Variants in SAMMSON observed in about 807,000 individuals in gnomAD.
SAMMSON encodes long intergenic non-protein coding RNA 1212.
At chr3:70,111,528 T>C (rs2067389035) in intron 4 of SAMMSON, among the ~76,000 whole-genome samples, 1 of 151,876 alleles carries the variant, frequency 6.6e-6, no homozygotes, top group South Asian at 2.1e-4. Context: ...TATGAAAAAA[T>C]AACCTCAGCT....
intron 7 of SAMMSON, among the ~76,000 whole-genome samples, chr3:70,313,174 C>T (rs1702469732): frequency 6.6e-6 from 1 of 152,074 alleles, no homozygotes; most frequent in African/African-American, 2.4e-5. Flanking sequence ...AAGGATAATA[C>T]AGATTTTTGC....
intron 3 of SAMMSON, among the ~76,000 whole-genome samples, chr3:70,070,734 T>C (rs1458663479): frequency 1.3e-5 from 2 of 152,092 alleles, no homozygotes; most frequent in Non-Finnish European, 2.9e-5. Context: ...GATTTTTCTA[T>C]GTATTTCTGT....
At chr3:70,279,306 T>G (rs778032812) in intron 6 of SAMMSON, among the ~76,000 whole-genome samples, 5 of 152,208 alleles carry the variant, frequency 3.3e-5, no homozygotes, top group Middle Eastern at 3.4e-3. Flanking sequence ...CAAATCATCC[T>G]TGAACACATA....
chr3:70,082,048 C>G (rs140558516), intron 4 of SAMMSON, among the ~76,000 whole-genome samples: 3 of 152,182 alleles, frequency 2.0e-5, no homozygotes, highest in African/African-American at 7.2e-5. Context: ...TAATGGGAGG[C>G]CCTGCTTTGA....
At chr3:70,405,948 A>G (rs1701175075) in intron 2 of SAMMSON, among the ~76,000 whole-genome samples, 1 of 152,224 alleles carries the variant, frequency 6.6e-6, no homozygotes, top group South Asian at 2.1e-4. Flanking sequence ...CCAATGCCTG[A>G]GAAAAAGGCA....
At chr3:70,269,410 T>C (rs1396665703) in intron 6 of SAMMSON, among the ~76,000 whole-genome samples, 1 of 152,198 alleles carries the variant, frequency 6.6e-6, no homozygotes, top group Non-Finnish European at 1.5e-5. Context: ...TCCCTGAGTT[T>C]TGGCCAATCA....
chr3:70,316,353 A>G (rs557594236), intron 7 of SAMMSON, among the ~76,000 whole-genome samples: 2 of 152,240 alleles, frequency 1.3e-5, no homozygotes, highest in African/African-American at 2.4e-5. Flanking sequence ...ATGTAAGAAG[A>G]TGAAATTAAT....
At chr3:70,293,117 A>G (rs946807377) in intron 7 of SAMMSON, among the ~76,000 whole-genome samples, 3 of 151,312 alleles carry the variant, frequency 2.0e-5, no homozygotes, top group African/African-American at 7.3e-5. Flanking sequence ...GTATTCACCA[A>G]CTGCTGCTCT....
At chr3:70,198,202 T>C (rs1047706150) in intron 4 of SAMMSON, among the ~76,000 whole-genome samples, 2 of 152,162 alleles carry the variant, frequency 1.3e-5, no homozygotes, top group Admixed American at 6.5e-5. Context: ...CATTCTAGCA[T>C]GAATTAGAGA....
At chr3:70,303,406 G>GA (rs941996819) in intron 7 of SAMMSON, among the ~76,000 whole-genome samples, 2 of 151,864 alleles carry the variant, frequency 1.3e-5, no homozygotes, top group African/African-American at 2.4e-5. Flanking sequence ...AGAATAGGAG[G>GA]AAAAAAAATT....
chr3:70,335,354 G>A (rs1702653052), intron 7 of SAMMSON, among the ~76,000 whole-genome samples: 1 of 151,924 alleles, frequency 6.6e-6, no homozygotes, highest in African/African-American at 2.4e-5. Context: ...TGAAGGGTTT[G>A]TTATGTTAAG....
At chr3:70,364,564 A>G (rs1247555869) in intron 9 of SAMMSON, among the ~76,000 whole-genome samples, 1 of 151,888 alleles carries the variant, frequency 6.6e-6, no homozygotes, top group East Asian at 1.9e-4. Context: ...AAAATGCAAG[A>G]CATTCACTAA....
intron 4 of SAMMSON, among the ~76,000 whole-genome samples, chr3:70,186,292 T>C (rs1193084488): frequency 1.3e-5 from 2 of 151,634 alleles, no homozygotes; most frequent in Non-Finnish European, 2.9e-5. Flanking sequence ...CAAATTGTGC[T>C]CTGTTACCTG....
intron 4 of SAMMSON, among the ~76,000 whole-genome samples, chr3:70,144,756 A>T (rs1329787756): frequency 6.6e-6 from 1 of 152,082 alleles, no homozygotes; most frequent in East Asian, 1.9e-4. Context: ...ATGGTTTTTA[A>T]AATGGGAGTT....
At chr3:70,123,250 G>A (rs2067442638) in intron 4 of SAMMSON, among the ~76,000 whole-genome samples, 1 of 152,132 alleles carries the variant, frequency 6.6e-6, no homozygotes, top group South Asian at 2.1e-4. Flanking sequence ...ATCATGCCTT[G>A]CTGGTAAGCT....
chr3:70,302,678 A>G (rs1228693674), intron 7 of SAMMSON: 1 of 152,188 alleles, frequency 6.6e-6, no homozygotes, highest in South Asian at 2.1e-4. Flanking sequence ...TAAAACTGCA[A>G]TTAATAATGG....
At chr3:70,005,582 A>T (rs2066923555) in intron 1 of SAMMSON, among the ~76,000 whole-genome samples, 1 of 152,070 alleles carries the variant, frequency 6.6e-6, no homozygotes, top group South Asian at 2.1e-4. Flanking sequence ...TGTCACCCCC[A>T]CCATATTCCA....
At chr3:70,400,731 G>C (rs774943385) in intron 2 of SAMMSON, among the ~76,000 whole-genome samples, 66 of 152,042 alleles carry the variant, frequency 4.3e-4, no homozygotes, top group Non-Finnish European at 8.4e-4. Context: ...AAGAGTTTGA[G>C]ACCAGCCTGG....
chr3:70,389,535 T>C (rs1331493869), intron 9 of SAMMSON: 1 of 152,146 alleles, frequency 6.6e-6, no homozygotes, highest in Non-Finnish European at 1.5e-5. Context: ...TCTGTAAAGA[T>C]GGCTGACAAC....
Sources: gnomAD v4.1 joint callset for allele counts (sites outside exome capture counted in the v4.1 genomes callset) on GRCh38, gnomAD v4.1.1 for gene constraint, MANE v1.5 for transcripts, NCBI Gene and HGNC (gene_info 2026-07-23, HGNC 2026-07-21) for gene names.